PRKN: variants seen among roughly 807,000 people sequenced by gnomAD.
The protein encoded by PRKN is E3 ubiquitin-protein ligase parkin.
A neutral mutation model predicts 59.5 loss-of-function variants in PRKN; 56 were observed. That is an observed-to-expected ratio of 0.94 (90% CI 0.76 to 1.18). The LOEUF is 1.18. Ranked by LOEUF, PRKN falls within the 50% of genes most tolerant of loss-of-function variation. The probability of loss-of-function intolerance (pLI) is 0.00; values close to 1 mark genes in which losing one functional copy is unlikely to be tolerated. For synonymous variants in PRKN, 250 were observed against 222.1 expected, an observed-to-expected ratio of 1.13 and a Z score of -1.12; for missense variants, 657 against 596.4, an observed-to-expected ratio of 1.10 and a Z score of -1.06.
chr6:161,482,086 G>A lies in PRKN; in HGVS notation c.1083+66768C>T, dbSNP rs569336489. 3.9e-5 allele frequency among the ~76,000 whole-genome samples: 6 copies of A among 152,106 alleles called. No individual in the cohort carries two copies. The South Asian group carries it at 1.2e-3, about 32-fold the overall frequency. ...CAGTCACTTAAAATGAAAAATGTAG[G>A]TGGCTTTCAAAGAAACAATCTCAAG... On this transcript the variant is annotated intron_variant, in intron 9 of 11. Transcript: ENST00000366898.
In PRKN at chr6:161,732,211, T is replaced by G. The variant is rs190146891; in HGVS notation, c.871+53561A>C. Among the ~76,000 whole-genome samples, 41 of 152,084 alleles carry G rather than the reference T, an allele frequency of 2.7e-4. 1 individual carries two copies. Among genetic ancestry groups the G allele is most frequent in the African/African-American group, 9.9e-4 (41 of 41,482 alleles). On this transcript the variant is annotated intron_variant, in intron 7 of 11. Coordinates refer to ENST00000366898, the MANE Select transcript of PRKN (RefSeq NM_004562.3). ...AAGCGATTCTCCTGCCTCAGCTCCC[T>G]GAGTAGCTGGGATTACAGGTGTGTG... is the stretch of plus-strand genomic sequence containing the variant.
chr6:161,792,518 C>G (rs1240185962), intron 6 of PRKN, among the ~76,000 whole-genome samples: 1 of 152,178 alleles, frequency 6.6e-6, no homozygotes, highest in East Asian at 1.9e-4. Context: ...GTATGAAGAG[C>G]AGCAGCATCT....
intron 1 of PRKN, among the ~76,000 whole-genome samples, chr6:162,564,876 A>C (rs886582215): frequency 3.9e-5 from 6 of 152,064 alleles, no homozygotes; most frequent in Non-Finnish European, 7.4e-5. Context: ...ATCAGAAAAA[A>C]AAAAAAAAAA....
chr6:162,339,797 A>G (rs1784079775), intron 2 of PRKN, among the ~76,000 whole-genome samples: 1 of 149,766 alleles, frequency 6.7e-6, no homozygotes, highest in African/African-American at 2.4e-5. Context: ...GCACTAAGAA[A>G]AATTCTTCTG....
At chr6:161,865,793 A>C (rs1165045456) in intron 6 of PRKN, among the ~76,000 whole-genome samples, 2 of 152,160 alleles carry the variant, frequency 1.3e-5, no homozygotes, top group Non-Finnish European at 2.9e-5. Flanking sequence ...ATCAGCGATA[A>C]GGCTGTTTCA....
Position 161,499,495 on chromosome 6 carries a change from T to C in PRKN, c.1083+49359A>G, listed in dbSNP as rs894581792. On this transcript the variant is annotated intron_variant, in intron 9 of 11. Coordinates refer to ENST00000366898, the MANE Select transcript of PRKN (RefSeq NM_004562.3). The surrounding 1 kb of genome is among the most constrained non-coding windows in gnomAD (Gnocchi z 4.2). ...TTCTCTCGTTCATGTCACCTGTTGC[T>C]TCTTATTGGCTTTGGAATGTGGGAC... Among the ~76,000 whole-genome samples the C allele has an allele frequency of 6.6e-5, 10 of 152,184 alleles. No individual in the cohort carries two copies. The highest frequency in any genetic ancestry group is 2.4e-4 in the African/African-American group (10 of 41,454).
intron 5 of PRKN, among the ~76,000 whole-genome samples, chr6:162,033,103 CAT>C (rs1288509479): frequency 6.6e-6 from 1 of 152,214 alleles, no homozygotes; most frequent in Non-Finnish European, 1.5e-5. Context: ...AGCTGTCTCA[CAT>C]GTTATGAATG....
Position 161,550,724 on chromosome 6 carries a change from T to A in PRKN, c.934-1721A>T, listed in dbSNP as rs74298753. On this transcript the variant is annotated intron_variant, in intron 8 of 11. Coordinates refer to ENST00000366898, the MANE Select transcript of PRKN (RefSeq NM_004562.3). This position sits in a 1 kb window ranked among gnomAD's most constrained non-coding sequence, Gnocchi z 4.0. The stretch of plus-strand genomic sequence containing the variant: ...GACAACTGTGGTAGAAGAAAGGGTA[T>A]GTGTGTGTGTGCACGTGTGTGTGTG... Among the ~76,000 whole-genome samples, 2 of 121,980 alleles carry A rather than the reference T, an allele frequency of 1.6e-5. No homozygotes were observed. Among genetic ancestry groups the A allele is most frequent in the East Asian group, 4.6e-4 (2 of 4,342 alleles). The allele number at this position is 121,980 out of a possible 152,430, so 80.0% of individuals were successfully genotyped here. A position where few individuals can be genotyped will look rare whatever the true frequency, so the allele number is the denominator to read the frequency against.
chr6:162,222,436 A>T (rs1353954750), intron 3 of PRKN, among the ~76,000 whole-genome samples: 1 of 152,216 alleles, frequency 6.6e-6, no homozygotes. Flanking sequence ...GTGAACTATC[A>T]TGCTGAGAGT....
chr6:162,547,173 C>T (rs1480029143), intron 1 of PRKN, among the ~76,000 whole-genome samples: 4 of 152,256 alleles, frequency 2.6e-5, no homozygotes, highest in East Asian at 3.9e-4. Flanking sequence ...GTTTCTGGTA[C>T]ACATCATTAC....
chr6:162,349,251 TGAGGTCAG>T (rs1784527297), intron 2 of PRKN, among the ~76,000 whole-genome samples: 1 of 152,116 alleles, frequency 6.6e-6, no homozygotes, highest in South Asian at 2.1e-4. Flanking sequence ...GTGGATCACT[TGAGGTCAG>T]GAGTTCAAGA....
intron 7 of PRKN, among the ~76,000 whole-genome samples, chr6:161,672,248 T>A (rs1784936183): frequency 6.6e-6 from 1 of 152,270 alleles, no homozygotes; most frequent in Admixed American, 6.5e-5. Flanking sequence ...GTAATTCTGA[T>A]AGGAAAATAA....
chr6:162,277,670 G>A (rs947955782), intron 2 of PRKN, among the ~76,000 whole-genome samples: 10 of 152,126 alleles, frequency 6.6e-5, no homozygotes, highest in African/African-American at 2.2e-4. Flanking sequence ...AAGATACAGA[G>A]ATGGCAAAGA....
chr6:162,368,308 A>G (rs1785562051), intron 2 of PRKN, among the ~76,000 whole-genome samples: 1 of 152,180 alleles, frequency 6.6e-6, no homozygotes, highest in Non-Finnish European at 1.5e-5. Context: ...TAGAGCAGTT[A>G]CCAGGAGAGC....
chr6:162,103,836 G>C (rs1042785340), intron 4 of PRKN, among the ~76,000 whole-genome samples: 3 of 152,180 alleles, frequency 2.0e-5, no homozygotes, highest in African/African-American at 7.2e-5. Flanking sequence ...GCCTCTGCCA[G>C]CTGCCTCCTC....
At chr6:162,484,994 T>C (rs1031193462) in intron 1 of PRKN, among the ~76,000 whole-genome samples, 1 of 152,192 alleles carries the variant, frequency 6.6e-6, no homozygotes. Flanking sequence ...ATTCTTTTCA[T>C]AATCAGGAAA....
intron 9 of PRKN, among the ~76,000 whole-genome samples, chr6:161,543,765 C>A (rs1283495430): frequency 6.6e-6 from 1 of 152,076 alleles, no homozygotes; most frequent in African/African-American, 2.4e-5. Flanking sequence ...AAGATAATAT[C>A]AAATAAGATA....
intron 6 of PRKN, among the ~76,000 whole-genome samples, chr6:161,955,529 C>T (rs1339875820): frequency 6.6e-6 from 1 of 152,158 alleles, no homozygotes; most frequent in South Asian, 2.1e-4. Context: ...AATTTCAATT[C>T]AACTCGCCAA....
intron 1 of PRKN, among the ~76,000 whole-genome samples, chr6:162,479,527 C>T (rs1792189836): frequency 6.6e-6 from 1 of 152,122 alleles, no homozygotes; most frequent in Non-Finnish European, 1.5e-5. Flanking sequence ...CCATGCCTGG[C>T]CTATCTTTAA....
Sources: allele counts gnomAD v4.1 joint callset (sites outside exome capture counted in the v4.1 genomes callset), GRCh38; gene constraint gnomAD v4.1.1; non-coding constraint Gnocchi (gnomAD v3.1); transcripts MANE v1.5; gene names NCBI Gene and HGNC (gene_info 2026-07-23, HGNC 2026-07-21).